Variants in DTWD2 observed in about 807,000 individuals in gnomAD.
DTWD2 encodes tRNA-uridine aminocarboxypropyltransferase 2.
DTWD2 carries 39 observed loss-of-function variants against 31.8 expected under a neutral mutation model. The ratio of observed to expected loss-of-function variants is 1.22; its 90% confidence interval spans 0.95 to 1.60. The LOEUF (loss-of-function observed/expected upper bound fraction) is 1.60, where lower values mean the gene tolerates loss of function less well. Among genes scored for constraint, DTWD2 ranks in the 40% most tolerant of loss-of-function variants. DTWD2 has a pLI of 0.00. For synonymous variants in DTWD2, 180 were observed against 142.8 expected (o/e 1.26, Z -1.86); for missense variants, 515 against 381.5 (o/e 1.35, Z -2.92).
chr5:118,963,795 C>G (rs989667770), intron 1 of DTWD2, among the ~76,000 whole-genome samples: 1 of 152,166 alleles, frequency 6.6e-6, no homozygotes, highest in Non-Finnish European at 1.5e-5. Flanking sequence ...CTAAATCACA[C>G]TATTCATGTT....
chr5:118,848,056 C>T (rs1360375050), intron 5 of DTWD2, 34 bp downstream of exon 5: 2 of 1,470,522 alleles, frequency 1.4e-6, no homozygotes, highest in South Asian at 1.5e-5. Flanking sequence ...AGAAAACTCC[C>T]ACTTTGAAAA....
intron 4 of DTWD2, among the ~76,000 whole-genome samples, chr5:118,892,092 G>C (rs550660006): frequency 2.6e-5 from 4 of 152,162 alleles, no homozygotes; most frequent in Non-Finnish European, 5.9e-5. Flanking sequence ...CAGATTATTA[G>C]TAAGAGATTT....
intron 4 of DTWD2, among the ~76,000 whole-genome samples, chr5:118,858,119 T>C (rs913492873): frequency 6.6e-6 from 1 of 152,134 alleles, no homozygotes; most frequent in Non-Finnish European, 1.5e-5. Context: ...GATTTTGTGG[T>C]TATTTGTCAC....
chr5:118,874,041 T>C (rs189326894), intron 4 of DTWD2, among the ~76,000 whole-genome samples: 3 of 152,226 alleles, frequency 2.0e-5, no homozygotes, highest in Admixed American at 2.0e-4. Context: ...CTGGGTGCAA[T>C]ACAAGTCCCC....
chr5:118,926,113 G>A (rs984920369), intron 4 of DTWD2, among the ~76,000 whole-genome samples: 27 of 152,022 alleles, frequency 1.8e-4, no homozygotes, highest in African/African-American at 5.3e-4. Flanking sequence ...GTTTATAGCA[G>A]CACGATTCAC....
intron 4 of DTWD2, among the ~76,000 whole-genome samples, chr5:118,879,190 A>G (rs1752685401): frequency 6.6e-6 from 1 of 152,220 alleles, no homozygotes; most frequent in Non-Finnish European, 1.5e-5. Flanking sequence ...ATGCACGTGT[A>G]TCTTCACTGC....
At chr5:118,983,268 A>C (rs570898817) in intron 1 of DTWD2, among the ~76,000 whole-genome samples, 2 of 152,318 alleles carry the variant, frequency 1.3e-5, no homozygotes, top group East Asian at 3.9e-4. Context: ...ACAGCCAATA[A>C]TACTGAGCTT....
At chr5:118,881,523 T>A (rs1411981134) in intron 4 of DTWD2, among the ~76,000 whole-genome samples, 1 of 152,136 alleles carries the variant, frequency 6.6e-6, no homozygotes, top group Non-Finnish European at 1.5e-5. Flanking sequence ...GAAAAACAAA[T>A]ACTACTGGTC....
intron 4 of DTWD2, among the ~76,000 whole-genome samples, chr5:118,927,725 T>C (rs556483084): frequency 1.1e-4 from 16 of 152,000 alleles, no homozygotes; most frequent in African/African-American, 3.4e-4. Context: ...TTAGAAGAGT[T>C]TGAAAGAAGA....
At chr5:118,884,286 C>T (rs1440807694) in intron 4 of DTWD2, among the ~76,000 whole-genome samples, 1 of 152,194 alleles carries the variant, frequency 6.6e-6, no homozygotes, top group African/African-American at 2.4e-5. Context: ...CTAAATTCTT[C>T]ACTCCCATTG....
At position 118,868,834 on chromosome 5, in the gene DTWD2, C is replaced by T. The variant is rs1184591824; in HGVS notation, c.598-20616G>A. On this transcript the variant is annotated intron_variant, in intron 4 of 5. Transcript: ENST00000510708. ...CCTGAATGAGAGATCAAGACCCTGT[C>T]TCTTAAAAAAAAAAAAAAAAAAAAA... Among the ~76,000 whole-genome samples, 6 of 123,176 alleles carry T rather than the reference C, an allele frequency of 4.9e-5. No individual in the cohort carries two copies. The Admixed American group carries it at 5.2e-4, about 11-fold the overall frequency. 80.8% of individuals were successfully genotyped at this position (123,176 alleles called of 152,430 possible).
intron 1 of DTWD2, among the ~76,000 whole-genome samples, chr5:118,952,544 TCAGTTAGGGCAGGAATTGGC>T (rs545376623): frequency 8.4e-4 from 128 of 152,252 alleles, no homozygotes; most frequent in African/African-American, 2.9e-3. Context: ...GGTAATGTCA[TCAGTTAGGGCAGGAATTGGC>T]CATTTTCACT....
chr5:118,873,470 G>C (rs1030448362), intron 4 of DTWD2, among the ~76,000 whole-genome samples: 10 of 152,176 alleles, frequency 6.6e-5, no homozygotes, highest in Admixed American at 6.5e-4. Flanking sequence ...CTTCAGCAGG[G>C]CGGCTCCTAC....
At chr5:118,970,105 A>C (rs1754950717) in intron 1 of DTWD2, among the ~76,000 whole-genome samples, 2 of 152,204 alleles carry the variant, frequency 1.3e-5, no homozygotes, top group African/African-American at 4.8e-5. Context: ...CTATCTTTCT[A>C]AAACAGGACA....
At chr5:118,920,372 T>C (rs1327767179) in intron 4 of DTWD2, among the ~76,000 whole-genome samples, 1 of 152,044 alleles carries the variant, frequency 6.6e-6, no homozygotes, top group Non-Finnish European at 1.5e-5. Flanking sequence ...TATTGTAGTA[T>C]ATATGAACAC....
At chr5:118,959,495 G>A (rs566081236) in intron 1 of DTWD2, among the ~76,000 whole-genome samples, 1 of 152,282 alleles carries the variant, frequency 6.6e-6, no homozygotes, top group Admixed American at 6.5e-5. Context: ...TGGATAGGAA[G>A]AGTCAACATT....
Position 118,958,058 on chromosome 5 carries a change from T to C in DTWD2, c.219-13409A>G, listed in dbSNP as rs538580236. On this transcript the variant is annotated intron_variant, in intron 1 of 5. Coordinates refer to ENST00000510708, the MANE Select transcript of DTWD2 (RefSeq NM_173666.4). The stretch of plus-strand genomic sequence containing the variant: ...AATCAACTGCAGTATGTAATCAAAA[T>C]AATTATATCACTGGCCTAGACATGT... Among the ~76,000 whole-genome samples the C allele has an allele frequency of 3.9e-5, 6 of 152,300 alleles. No homozygotes were observed. The East Asian group carries it at 1.2e-3, about 29-fold the overall frequency.
intron 1 of DTWD2, among the ~76,000 whole-genome samples, chr5:118,970,419 C>G (rs895863620): frequency 4.6e-5 from 7 of 152,004 alleles, no homozygotes; most frequent in African/African-American, 1.7e-4. Context: ...AAGCGAGACT[C>G]TGTCTCAGAA....
chr5:118,841,862 A>G (rs2115301), intron 5 of DTWD2, among the ~76,000 whole-genome samples: 53,927 of 152,016 alleles, frequency 0.35, 11,770 homozygotes, highest in African/African-American at 0.62. Flanking sequence ...TGATGAAGAT[A>G]TTTTCAAAAA....
Sources: gnomAD v4.1 joint callset for allele counts (sites outside exome capture counted in the v4.1 genomes callset) on GRCh38, gnomAD v4.1.1 for gene constraint, MANE v1.5 for transcripts, NCBI Gene and HGNC (gene_info 2026-07-23, HGNC 2026-07-21) for gene names.